The following SYCP2L variants were observed in gnomAD, a reference collection of about 807,000 sequenced individuals.
SYCP2L encodes synaptonemal complex protein 2-like.
SYCP2L carries 98 observed loss-of-function variants against 125.8 expected under a neutral mutation model. The ratio of observed to expected loss-of-function variants is 0.78; its 90% CI spans 0.66 to 0.92. The LOEUF (loss-of-function observed/expected upper bound fraction) is 0.92, where lower values mean the gene tolerates loss of function less well. SYCP2L is among the 40% of genes least tolerant of loss of function. The probability of loss-of-function intolerance (pLI) is 0.00; values close to 1 mark genes in which losing one functional copy is unlikely to be tolerated. For synonymous variants in SYCP2L, 317 were observed against 325.4 expected (o/e 0.97, Z 0.28); for missense variants, 842 against 936.4 (o/e 0.90, Z 1.32).
rs540012555 is a variant in SYCP2L at position 10,918,197 on chromosome 6, CAAAA to C, written c.1072+5284_1072+5287del. ...TGGACGACAGAGCGAGACTCCATCT[CAAAA>C]AAAAAAAAAAAAAGAAAAGGAAAGA... is the stretch of plus-strand genomic sequence containing the variant. On this transcript the variant is annotated intron_variant, in intron 14 of 29. Transcript: ENST00000283141. Among the ~76,000 whole-genome samples, 5 of 77,968 alleles carry C rather than the reference CAAAA, an allele frequency of 6.4e-5. No individual in the cohort carries two copies. In the South Asian group the frequency reaches 1.6e-3, roughly 25 times the overall value. The allele number at this position is 77,968 out of a possible 152,430, so 51.2% of individuals were successfully genotyped here. A position where few individuals can be genotyped will look rare whatever the true frequency, so the allele number is the denominator to read the frequency against.
intron 29 of SYCP2L, among the ~76,000 whole-genome samples, chr6:10,966,604 T>C (rs1224735993): frequency 6.6e-6 from 1 of 152,074 alleles, no homozygotes; most frequent in Non-Finnish European, 1.5e-5. Context: ...TTCTAATGTG[T>C]AAGGACAAGG....
chr6:10,944,275 T>C (rs1282368549), intron 23 of SYCP2L, among the ~76,000 whole-genome samples: 2 of 152,216 alleles, frequency 1.3e-5, no homozygotes, highest in Middle Eastern at 3.2e-3. Flanking sequence ...CTGATTGAAA[T>C]TTAGCATAAT....
intron 21 of SYCP2L, among the ~76,000 whole-genome samples, chr6:10,941,641 A>G (rs1310066921): frequency 5.9e-5 from 9 of 152,376 alleles, no homozygotes; most frequent in Middle Eastern, 3.4e-3. Context: ...TTAAAAAGTC[A>G]GGAAACAACA....
chr6:10,915,616 A>G (rs766438050), intron 14 of SYCP2L, among the ~76,000 whole-genome samples: 1 of 152,178 alleles, frequency 6.6e-6, no homozygotes, highest in Non-Finnish European at 1.5e-5. Context: ...TTTGTGGTGT[A>G]TCACATTTAT....
chr6:10,898,741 A>T lies in SYCP2L; in HGVS notation c.442-83A>T, dbSNP rs900714399. 3 of 943,992 alleles carry T rather than the reference A, an allele frequency of 3.2e-6. No individual in the cohort carries two copies. In the Admixed American group the frequency reaches 5.9e-5, roughly 19 times the overall value. 58.5% of individuals were successfully genotyped at this position (943,992 alleles called of 1,614,324 possible). On this transcript the variant is annotated intron_variant, in intron 5 of 29. Coordinates refer to ENST00000283141, the MANE Select transcript of SYCP2L (RefSeq NM_001040274.3). ...AAGTCAATGCCTGCCTGTTAGAGAAAGTTAACACTAATACATTCACATTAC... is the reference window on the plus strand; with the variant it reads ...AAGTCAATGCCTGCCTGTTAGAGAATGTTAACACTAATACATTCACATTAC...
At chr6:10,907,892 G>GTTTTTTTGTTTTTTTTTTTTT (rs1780526784) in intron 10 of SYCP2L, among the ~76,000 whole-genome samples, 1 of 91,922 alleles carries the variant, frequency 1.1e-5, no homozygotes, top group Non-Finnish European at 2.0e-5. Flanking sequence ...ATACAGATAG[G>GTTTTTTTGTTTTTTTTTTTTT]TTTTTTTTTT....
At chr6:10,924,693 T>C (rs1013625334) in intron 15 of SYCP2L, 52 bp downstream of exon 15, 2 of 1,411,486 alleles carry the variant, frequency 1.4e-6, no homozygotes, top group Non-Finnish European at 1.9e-6. Flanking sequence ...GTATGTTTCA[T>C]GTCTATTAAA....
rs61573239 is a variant in SYCP2L, at chr6:10,946,197, A to G, written c.1954+3451A>G. Among the ~76,000 whole-genome samples the G allele has an allele frequency of 1.2e-4, 19 of 152,030 alleles. No homozygotes were observed. The East Asian group carries it at 2.3e-3, about 19-fold the overall frequency. On this transcript the variant is annotated intron_variant, in intron 23 of 29. Coordinates refer to ENST00000283141, the MANE Select transcript of SYCP2L (RefSeq NM_001040274.3). ...CTTTCTCTCATTCTTTTCATTTTGC[A>G]TAAGTATTTTTATTGTATTTTTTAC...
intron 29 of SYCP2L, among the ~76,000 whole-genome samples, chr6:10,964,876 T>C (rs1170662409): frequency 6.6e-6 from 1 of 152,166 alleles, no homozygotes; most frequent in African/African-American, 2.4e-5. Context: ...AAGAAGAAAC[T>C]AGACTTGTGG....
intron 14 of SYCP2L, chr6:10,922,762 A>C (rs1780822430): frequency 6.6e-6 from 1 of 152,188 alleles, no homozygotes; most frequent in South Asian, 2.1e-4. Context: ...GGCTTACTCT[A>C]GACCAGCACT....
intron 10 of SYCP2L, among the ~76,000 whole-genome samples, chr6:10,908,168 A>G (rs1311493522): frequency 1.3e-5 from 2 of 152,096 alleles, no homozygotes; most frequent in Non-Finnish European, 2.9e-5. Flanking sequence ...AATTATAGGC[A>G]TGAGCCACCA....
chr6:10,917,379 C>G (rs575092453), intron 14 of SYCP2L, among the ~76,000 whole-genome samples: 2 of 152,260 alleles, frequency 1.3e-5, no homozygotes, highest in Admixed American at 1.3e-4. Flanking sequence ...TTGGACAAGG[C>G]CTTTTATCAT....
At chr6:10,920,737 G>T (rs773008428) in intron 14 of SYCP2L, among the ~76,000 whole-genome samples, 5 of 150,548 alleles carry the variant, frequency 3.3e-5, no homozygotes, top group Non-Finnish European at 7.4e-5. Context: ...TAAGTTAATG[G>T]GTACATGTGC....
chr6:10,911,971 G>A (rs1290692112), intron 12 of SYCP2L, among the ~76,000 whole-genome samples: 3 of 120,136 alleles, frequency 2.5e-5, no homozygotes, highest in Admixed American at 1.2e-4. Context: ...ATGTGATCTC[G>A]GATCACTGCC....
chr6:10,947,440 T>C (rs1377501684), intron 23 of SYCP2L, among the ~76,000 whole-genome samples: 1 of 152,092 alleles, frequency 6.6e-6, no homozygotes, highest in African/African-American at 2.4e-5. Context: ...TCTATTGATC[T>C]GTGTCATTGT....
At chr6:10,937,937 A>G (rs1163506573) in intron 21 of SYCP2L, among the ~76,000 whole-genome samples, 1 of 152,186 alleles carries the variant, frequency 6.6e-6, no homozygotes, top group Non-Finnish European at 1.5e-5. Context: ...CCCAACGGAG[A>G]GTAGCCCAGG....
Position 10,898,847 on chromosome 6 carries a change from A to G in SYCP2L, c.465A>G (p.Glu155=). 1 of 1,380,590 alleles carries G rather than the reference A, an allele frequency of 7.2e-7. No individual in the cohort carries two copies. Among genetic ancestry groups the G allele is most frequent in the Non-Finnish European group, 1.0e-6 (1 of 973,654 alleles). 85.5% of individuals were successfully genotyped at this position (1,380,590 alleles called of 1,614,324 possible). The change falls in exon 6 of 30, where the codon GAA becomes GAG. Residue 155 remains glutamate (E), a splice_region_variant and synonymous_variant. Coordinates refer to ENST00000283141, the MANE Select transcript of SYCP2L (RefSeq NM_001040274.3). ...TALIISRSSS[E]GKIQMLDSFL... is the part of the protein sequence containing the mutation. ...AGATTATTTCCAGGAGTAGTAGTGAAGGTAAGTATATTATTGGCTACTAAT... is the reference window on the plus strand; with the variant it reads ...AGATTATTTCCAGGAGTAGTAGTGAGGGTAAGTATATTATTGGCTACTAAT...
At chr6:10,927,399 G>A in intron 17 of SYCP2L, 32 bp downstream of exon 17, 3 of 1,569,200 alleles carry the variant, frequency 1.9e-6, no homozygotes, top group East Asian at 4.5e-5. Flanking sequence ...CTAAGCATCG[G>A]CCAGGTTGAG....
intron 21 of SYCP2L, 124 bp from the exon 22 acceptor site, chr6:10,942,335 T>C: frequency 1.6e-6 from 1 of 628,310 alleles, no homozygotes; most frequent in East Asian, 3.0e-5. Flanking sequence ...TCAGTAGATT[T>C]TTGTTTCACT....
Sources: gnomAD v4.1 joint callset for allele counts (sites outside exome capture counted in the v4.1 genomes callset) on GRCh38, gnomAD v4.1.1 for gene constraint, MANE v1.5 for transcripts, NCBI Gene and HGNC (gene_info 2026-07-23, HGNC 2026-07-21) for gene names.